Variants in PIGL observed in about 807,000 individuals in gnomAD.
The protein encoded by PIGL is N-acetylglucosaminyl-phosphatidylinositol de-N-acetylase.
PIGL carries 22 observed loss-of-function variants against 31.1 expected under a neutral mutation model. The observed-to-expected ratio is 0.71, with a 90% CI of 0.51 to 1.01. The LOEUF is 1.01. Among genes scored for constraint, PIGL ranks in the 50% least tolerant of loss-of-function variants. PIGL has a pLI of 0.00. For synonymous variants in PIGL, 131 were observed against 117.4 expected (o/e 1.12, Z -0.75); for missense variants, 302 against 315.9 (o/e 0.96, Z 0.33).
intron 2 of PIGL, among the ~76,000 whole-genome samples, chr17:16,292,721 A>G (rs901477835): frequency 2.0e-5 from 3 of 152,208 alleles, no homozygotes; most frequent in African/African-American, 4.8e-5. Context: ...ATGACCCACA[A>G]TAACTGTGGT....
chr17:16,289,974 C>T (rs556273738), intron 2 of PIGL, among the ~76,000 whole-genome samples: 2 of 152,130 alleles, frequency 1.3e-5, no homozygotes, highest in Admixed American at 6.5e-5. Context: ...TGGGGTTTCT[C>T]CATGTTGGTC....
Position 16,243,957 on chromosome 17 carries a change from G to A in PIGL, c.335+9887G>A, listed in dbSNP as rs76990292. On this transcript the variant is annotated intron_variant, in intron 2 of 6. Coordinates refer to ENST00000225609, the MANE Select transcript of PIGL (RefSeq NM_004278.4). ...TTTTTAAGCATAATGTGGTGGGTGG[G>A]GCGAAGCCAGTGAGCTGATTGGTCA... Among the ~76,000 whole-genome samples, 1,494 of 152,300 alleles carry A rather than the reference G, an allele frequency of 9.8e-3. 24 individuals carry two copies. The highest frequency in any genetic ancestry group is 0.034 in the African/African-American group (1,409 of 41,568).
intron 2 of PIGL, among the ~76,000 whole-genome samples, chr17:16,298,559 A>C (rs964000049): frequency 3.9e-5 from 6 of 152,154 alleles, no homozygotes; most frequent in African/African-American, 1.4e-4. Flanking sequence ...AGATAAGTTG[A>C]AGTTTATTCT....
At chr17:16,254,002 C>T (rs2092783260) in intron 2 of PIGL, among the ~76,000 whole-genome samples, 1 of 152,122 alleles carries the variant, frequency 6.6e-6, no homozygotes, top group South Asian at 2.1e-4. Context: ...CTCTCCATCT[C>T]CCAGTCCATA....
intron 2 of PIGL, among the ~76,000 whole-genome samples, chr17:16,280,806 A>C (rs2092913746): frequency 6.6e-6 from 1 of 152,158 alleles, no homozygotes; most frequent in South Asian, 2.1e-4. Flanking sequence ...CCCGGGTTCA[A>C]CCAATTCTCT....
At chr17:16,279,164 C>G (rs569415232) in intron 2 of PIGL, among the ~76,000 whole-genome samples, 11 of 152,268 alleles carry the variant, frequency 7.2e-5, no homozygotes, top group Admixed American at 3.9e-4. Context: ...AAGATGTTAC[C>G]GGGAAGGAGT....
intron 2 of PIGL, among the ~76,000 whole-genome samples, chr17:16,268,827 A>G (rs935730613): frequency 2.0e-5 from 3 of 150,142 alleles, no homozygotes; most frequent in Non-Finnish European, 4.4e-5. Context: ...CAGTGGCGCA[A>G]TTTCGGCTCA....
chr17:16,250,560 C>T (rs1276014406), intron 2 of PIGL, among the ~76,000 whole-genome samples: 1 of 151,986 alleles, frequency 6.6e-6, no homozygotes, highest in Non-Finnish European at 1.5e-5. Context: ...ATCTCCTAAC[C>T]CAGAAAAAGC....
intron 2 of PIGL, among the ~76,000 whole-genome samples, chr17:16,244,099 T>G (rs111746190): frequency 0.026 from 3,913 of 152,224 alleles, 168 homozygotes; most frequent in African/African-American, 0.089. Flanking sequence ...AAGTGCAGGG[T>G]CTGCAAAATA....
chr17:16,318,526 C>A (rs1427934724), intron 6 of PIGL, among the ~76,000 whole-genome samples: 1 of 152,040 alleles, frequency 6.6e-6, no homozygotes, highest in East Asian at 1.9e-4. Context: ...CCACCTCGAC[C>A]TCCCAAAGTG....
At chr17:16,222,784 G>C (rs1422576919) in intron 1 of PIGL, among the ~76,000 whole-genome samples, 1 of 151,712 alleles carries the variant, frequency 6.6e-6, no homozygotes, top group African/African-American at 2.4e-5. Context: ...GGCCGAGACA[G>C]GTGCATCACG....
chr17:16,233,842 G>T (rs985601209), intron 1 of PIGL, 129 bp from the exon 2 acceptor site: 1 of 572,874 alleles, frequency 1.7e-6, no homozygotes, highest in African/African-American at 1.9e-5. Context: ...CTTAAACTTT[G>T]TATCATAATC....
chr17:16,222,926 C>T (rs1002219340), intron 1 of PIGL, among the ~76,000 whole-genome samples: 20 of 151,652 alleles, frequency 1.3e-4, no homozygotes, highest in African/African-American at 4.6e-4. Flanking sequence ...ACAGGAGAAT[C>T]GCTTGAACCC....
At chr17:16,291,139 C>T (rs2092958351) in intron 2 of PIGL, among the ~76,000 whole-genome samples, 1 of 152,112 alleles carries the variant, frequency 6.6e-6, no homozygotes, top group African/African-American at 2.4e-5. Context: ...ATTCTCAGCC[C>T]CATTAGTGCT....
At position 16,262,507 on chromosome 17, in the gene PIGL, C is replaced by T. The variant is rs572253036; in HGVS notation, c.335+28437C>T. 1.5e-4 allele frequency among the ~76,000 whole-genome samples: 23 copies of T among 152,158 alleles called. 1 individual carries two copies. Among genetic ancestry groups the T allele is most frequent in the South Asian group, 6.2e-4 (3 of 4,818 alleles). Reference sequence around the variant, plus strand: ...GATGCAGCCACCACAGAAAACAGTTCGGCGGTTCCTCAAAAACTTAAAAAT... The same window carrying T: ...GATGCAGCCACCACAGAAAACAGTTTGGCGGTTCCTCAAAAACTTAAAAAT... On this transcript the variant is annotated intron_variant, in intron 2 of 6. Transcript: ENST00000225609.
At chr17:16,279,309 C>G (rs919328312) in intron 2 of PIGL, among the ~76,000 whole-genome samples, 1 of 152,156 alleles carries the variant, frequency 6.6e-6, no homozygotes, top group Admixed American at 6.5e-5. Flanking sequence ...GCAGAGCAGC[C>G]GGTCACTTTA....
At chr17:16,286,645 A>G (rs2092939160) in intron 2 of PIGL, among the ~76,000 whole-genome samples, 1 of 152,150 alleles carries the variant, frequency 6.6e-6, no homozygotes, top group South Asian at 2.1e-4. Context: ...TTCCAGAGGT[A>G]TTAACACTGT....
At chr17:16,256,429 C>CCGATTCCTCTGCCTCAGCTTCAAG (rs1323633922) in intron 2 of PIGL, among the ~76,000 whole-genome samples, 2 of 152,112 alleles carry the variant, frequency 1.3e-5, no homozygotes, top group Non-Finnish European at 1.5e-5. Context: ...CCTCCACCTC[C>CCGATTCCTCTGCCTCAGCTTCAAG]CGATTCCTCT....
At chr17:16,243,951 G>A (rs996548047) in intron 2 of PIGL, among the ~76,000 whole-genome samples, 2 of 152,224 alleles carry the variant, frequency 1.3e-5, no homozygotes, top group African/African-American at 4.8e-5. Context: ...ATAATGTGGT[G>A]GGTGGGGCGA....
Sources: gnomAD v4.1 joint callset for allele counts (sites outside exome capture counted in the v4.1 genomes callset) on GRCh38, gnomAD v4.1.1 for gene constraint, MANE v1.5 for transcripts, NCBI Gene and HGNC (gene_info 2026-07-23, HGNC 2026-07-21) for gene names.